The following ADARB2 variants were observed in gnomAD, a reference collection of about 807,000 sequenced individuals.
ADARB2 encodes the protein inactive double-stranded RNA-specific editase B2.
Under a neutral mutation model 62.2 loss-of-function variants are expected in ADARB2, and 25 were observed. That is an observed-to-expected ratio of 0.40 (90% confidence interval 0.29 to 0.56). ADARB2 has a LOEUF of 0.56. ADARB2 is among the 20% of genes least tolerant of loss of function. The pLI, the probability that ADARB2 is intolerant of heterozygous loss-of-function variation, is 0.43. For missense variants in ADARB2, 1,071 were observed against 1,077.4 expected, an observed-to-expected ratio of 0.99 and a Z score of 0.08; for synonymous variants, 572 against 500.8, an observed-to-expected ratio of 1.14 and a Z score of -1.90.
At chr10:1,617,278 T>A (rs12416363) in intron 1 of ADARB2, among the ~76,000 whole-genome samples, 1 of 45,744 alleles carries the variant, frequency 2.2e-5, no homozygotes. Flanking sequence ...TGCATTCTGT[T>A]GCTAGATGTT....
chr10:1,673,416 A>G (rs1834419142), intron 1 of ADARB2, among the ~76,000 whole-genome samples: 1 of 151,938 alleles, frequency 6.6e-6, no homozygotes, highest in Non-Finnish European at 1.5e-5. Context: ...AATATCCTAA[A>G]TGAACGTTCA....
At chr10:1,401,883 C>G (rs530361789) in intron 1 of ADARB2, among the ~76,000 whole-genome samples, 1 of 152,114 alleles carries the variant, frequency 6.6e-6, no homozygotes, top group Non-Finnish European at 1.5e-5. Flanking sequence ...TTTCCACGAG[C>G]GTGTACTTGT....
At chr10:1,733,644 AC>A (rs1358435648) in intron 1 of ADARB2, among the ~76,000 whole-genome samples, 1 of 152,010 alleles carries the variant, frequency 6.6e-6, no homozygotes, top group Non-Finnish European at 1.5e-5. Context: ...AACAAAAAAA[AC>A]CCTTTTTCTT....
At chr10:1,660,333 T>C (rs1834229598) in intron 1 of ADARB2, among the ~76,000 whole-genome samples, 1 of 152,232 alleles carries the variant, frequency 6.6e-6, no homozygotes, top group African/African-American at 2.4e-5. Context: ...CATTTCACTC[T>C]GTGTCAGAAA....
In ADARB2 at chr10:1,262,673, C is replaced by A. The variant is rs886148265; in HGVS notation, c.1192+8282G>T. ...TGTGGAGAAATAGGAACACTTTTAC[C>A]CTGTTGGTGGGACTGTAAACTAGTT... On this transcript the variant is annotated intron_variant, in intron 4 of 9. Coordinates refer to ENST00000381312, the MANE Select transcript of ADARB2 (RefSeq NM_018702.4). Among the ~76,000 whole-genome samples the A allele has an allele frequency of 1.4e-4, 22 of 152,018 alleles. No individual in the cohort carries two copies. The South Asian group carries it at 2.1e-3, about 14-fold the overall frequency.
At chr10:1,604,658 G>T (rs1833472814) in intron 1 of ADARB2, among the ~76,000 whole-genome samples, 1 of 152,190 alleles carries the variant, frequency 6.6e-6, no homozygotes, top group Non-Finnish European at 1.5e-5. Flanking sequence ...TCTCTTTACT[G>T]TTAACACCAA....
chr10:1,338,018 C>T (rs995651204), intron 3 of ADARB2, among the ~76,000 whole-genome samples: 3 of 152,124 alleles, frequency 2.0e-5, no homozygotes, highest in Non-Finnish European at 2.9e-5. Context: ...TGGTGCTTTG[C>T]AAAATGGGGT....
intron 1 of ADARB2, chr10:1,535,640 G>C (rs1832321861): frequency 6.0e-6 from 1 of 167,476 alleles, no homozygotes; most frequent in African/African-American, 2.4e-5. Flanking sequence ...TTTATCCTGT[G>C]TGGAGGCTGA....
chr10:1,642,526 C>G (rs1833990251), intron 1 of ADARB2, among the ~76,000 whole-genome samples: 1 of 151,976 alleles, frequency 6.6e-6, no homozygotes, highest in African/African-American at 2.4e-5. Context: ...CATATTATAG[C>G]CAATCAGATC....
chr10:1,358,311 T>C (rs1486760869), intron 3 of ADARB2, among the ~76,000 whole-genome samples: 5 of 152,238 alleles, frequency 3.3e-5, no homozygotes, highest in Non-Finnish European at 5.9e-5. Flanking sequence ...TGATGTCGGA[T>C]AGGAGAGAAA....
chr10:1,203,806 C>T (rs1447895292), intron 7 of ADARB2, among the ~76,000 whole-genome samples: 1 of 152,090 alleles, frequency 6.6e-6, no homozygotes, highest in Non-Finnish European at 1.5e-5. Context: ...CTGCTCTGAG[C>T]GACTGTCTTC....
chr10:1,312,602 A>G lies in ADARB2; in HGVS notation c.1078-41533T>C, dbSNP rs79795306. On this transcript the variant is annotated intron_variant, in intron 3 of 9. Transcript: ENST00000381312. The stretch of plus-strand genomic sequence containing the variant: ...TCCAGGTGCGGTGATAAGCATGCAC[A>G]TCTCCCTTTGGCTGTCACAGTAACC... Among the ~76,000 whole-genome samples the G allele has an allele frequency of 7.4e-3, 1,121 of 152,342 alleles. 16 individuals carry two copies. Among genetic ancestry groups the G allele is most frequent in the African/African-American group, 0.025 (1,025 of 41,574 alleles).
At chr10:1,387,890 T>C (rs574088415) in intron 1 of ADARB2, among the ~76,000 whole-genome samples, 2 of 152,080 alleles carry the variant, frequency 1.3e-5, no homozygotes, top group Non-Finnish European at 2.9e-5. Context: ...AAAATGTTAA[T>C]GTATCATGAA....
chr10:1,699,322 C>T, intron 1 of ADARB2, among the ~76,000 whole-genome samples: 1 of 1,572 alleles, frequency 6.4e-4, no homozygotes, highest in South Asian at 0.036. Context: ...AGGTGCTCAC[C>T]AGTACACGCA....
chr10:1,352,068 C>T (rs1327665217), intron 3 of ADARB2, among the ~76,000 whole-genome samples: 3 of 151,900 alleles, frequency 2.0e-5, no homozygotes, highest in African/African-American at 7.3e-5. Context: ...CCATCAGGCT[C>T]AGCAAATTAC....
intron 8 of ADARB2, among the ~76,000 whole-genome samples, chr10:1,191,596 C>A (rs555859176): frequency 1.3e-5 from 2 of 152,172 alleles, no homozygotes; most frequent in Non-Finnish European, 2.9e-5. Flanking sequence ...CTTGTTAAAC[C>A]TGGTACGTAA....
intron 1 of ADARB2, among the ~76,000 whole-genome samples, chr10:1,677,148 G>A (rs1044557709): frequency 3.3e-5 from 5 of 152,220 alleles, no homozygotes; most frequent in African/African-American, 1.2e-4. Context: ...GGCTTGGAGT[G>A]GAAAACCTGC....
At chr10:1,303,247 C>G (rs1288410580) in intron 3 of ADARB2, among the ~76,000 whole-genome samples, 1 of 151,886 alleles carries the variant, frequency 6.6e-6, no homozygotes, top group Non-Finnish European at 1.5e-5. Context: ...GCCTCAGGAG[C>G]CGATGCGATC....
At chr10:1,387,138 C>T (rs1459774060) in intron 1 of ADARB2, among the ~76,000 whole-genome samples, 1 of 151,764 alleles carries the variant, frequency 6.6e-6, no homozygotes, top group Non-Finnish European at 1.5e-5. Flanking sequence ...CATATTTTAG[C>T]TCTAAGTTTA....
Sources: allele counts gnomAD v4.1 joint callset (sites outside exome capture counted in the v4.1 genomes callset), GRCh38; gene constraint gnomAD v4.1.1; transcripts MANE v1.5; gene names NCBI Gene and HGNC (gene_info 2026-07-23, HGNC 2026-07-21).